Variants in MGAM observed in about 807,000 individuals in gnomAD.
MGAM encodes the protein maltase-glucoamylase, also known as alpha-1,4-glucosidase.
A neutral mutation model predicts 358.8 loss-of-function variants in MGAM; 253 were observed. The ratio of observed to expected loss-of-function variants is 0.71; its 90% CI spans 0.64 to 0.78. The LOEUF is 0.78. Ranked by LOEUF, MGAM falls within the 30% of genes least tolerant of loss-of-function variation. The pLI is 0.00. For missense variants in MGAM, 3,080 were observed against 3,432.6 expected, an observed-to-expected ratio of 0.90 and a Z score of 2.57; for synonymous variants, 1,105 against 1,227.1, an observed-to-expected ratio of 0.90 and a Z score of 2.08.
chr7:141,999,153 G>A (rs1425889275), intron 1 of MGAM, among the ~76,000 whole-genome samples: 1 of 152,118 alleles, frequency 6.6e-6, no homozygotes, highest in African/African-American at 2.4e-5. Flanking sequence ...TTGGCACATT[G>A]TAGGAACTTA....
Position 142,060,059 on chromosome 7 carries a change from T to A in MGAM, c.4059+93T>A, listed in dbSNP as rs4445145. On this transcript the variant is annotated intron_variant, in intron 33 of 70. Coordinates refer to ENST00000475668, the MANE Select transcript of MGAM (RefSeq NM_001365693.1). ...TAGTGGGTCACACGCCTGTGTATGT[T>A]ATTTTTGGCCTTTTCTATTTGGGCT... The A allele has an allele frequency of 0.34, 457,120 of 1,351,060 alleles. 71,398 individuals are homozygous for A. The highest frequency in any genetic ancestry group is 0.37 in the Non-Finnish European group (361,050 of 982,160). The allele number at this position is 1,351,060 out of a possible 1,614,324, so 83.7% of individuals were successfully genotyped here.
intron 3 of MGAM, among the ~76,000 whole-genome samples, chr7:142,013,564 G>C (rs372097132): frequency 2.6e-5 from 4 of 152,112 alleles, no homozygotes; most frequent in African/African-American, 9.7e-5. Context: ...CCATATTGTG[G>C]AAAGACATAG....
At chr7:142,037,659 A>G (rs183461485) in intron 18 of MGAM, among the ~76,000 whole-genome samples, 70 of 152,338 alleles carry the variant, frequency 4.6e-4, no homozygotes, top group African/African-American at 1.7e-3. Context: ...AAGAGAAAAA[A>G]GTAAAATGTT....
rs1312176254 is a variant in MGAM, at chr7:142,044,076, C to CACATACGACGTATAATAT, written c.2498+3231_2498+3232insCATACGACGTATAATATA. Among the ~76,000 whole-genome samples the CACATACGACGTATAATAT allele has an allele frequency of 2.1e-3, 265 of 123,768 alleles. 24 individuals are homozygous for CACATACGACGTATAATAT. The highest frequency in any genetic ancestry group is 5.4e-3 in the South Asian group (21 of 3,882). The allele number at this position is 123,768 out of a possible 152,430, so 81.2% of individuals were successfully genotyped here. A position where few individuals can be genotyped will look rare whatever the true frequency, so the allele number is the denominator to read the frequency against. The stretch of plus-strand genomic sequence containing the variant: ...TTATATACACATACGACGTATAATA[C>CACATACGACGTATAATAT]ATTATATACACATACGACGTATAAT... On this transcript the variant is annotated intron_variant, in intron 21 of 70. Transcript: ENST00000475668.
chr7:142,067,987 T>TATA (rs1491516915), intron 42 of MGAM, among the ~76,000 whole-genome samples: 2 of 6,680 alleles, frequency 3.0e-4, no homozygotes, highest in Non-Finnish European at 4.8e-4. Context: ...TATATATATA[T>TATA]TTTTTTTTTT....
chr7:142,042,799 T>C (rs187031989), intron 21 of MGAM, among the ~76,000 whole-genome samples: 27 of 74,730 alleles, frequency 3.6e-4, no homozygotes, highest in African/African-American at 1.4e-3. Flanking sequence ...TATATACATA[T>C]AATATCTAAA....
intron 66 of MGAM, among the ~76,000 whole-genome samples, chr7:142,098,571 C>G (rs1179859525): frequency 1.3e-5 from 2 of 152,142 alleles, no homozygotes; most frequent in Non-Finnish European, 2.9e-5. Flanking sequence ...TCTTCTCAGT[C>G]CATTGGAGCC....
rs1809809460 is a variant in MGAM at position 142,044,765 on chromosome 7, GT to G, written c.2499-3019del. Among the ~76,000 whole-genome samples the G allele has an allele frequency of 1.0e-4, 9 of 87,442 alleles. 1 individual carries two copies. The highest frequency in any genetic ancestry group is 3.9e-4 in the African/African-American group (8 of 20,642). 57.4% of individuals were successfully genotyped at this position (87,442 alleles called of 152,430 possible). A position where few individuals can be genotyped will look rare whatever the true frequency, so the allele number is the denominator to read the frequency against. On this transcript the variant is annotated intron_variant, in intron 21 of 70. Transcript: ENST00000475668. ...ACACGTGTAATATATGATATATAATGTATATTATATACACGTGTAATATATG... is the reference window on the plus strand; with the variant it reads ...ACACGTGTAATATATGATATATAATGATATTATATACACGTGTAATATATG...
intron 35 of MGAM, 85 bp downstream of exon 35, chr7:142,062,787 G>A: frequency 6.4e-7 from 1 of 1,572,454 alleles, no homozygotes; most frequent in Non-Finnish European, 8.6e-7. Context: ...CTTCAATCAA[G>A]AGGATAGTCA....
rs1419561237 is a variant in MGAM, at chr7:142,043,564, A to G, written c.2498+2718A>G. Among the ~76,000 whole-genome samples the G allele has an allele frequency of 2.2e-3, 208 of 95,258 alleles. 56 individuals carry two copies. Among genetic ancestry groups the G allele is most frequent in the South Asian group, 6.5e-3 (20 of 3,066 alleles). 62.5% of individuals were successfully genotyped at this position (95,258 alleles called of 152,430 possible). A position where few individuals can be genotyped will look rare whatever the true frequency, so the allele number is the denominator to read the frequency against. Reference sequence around the variant, plus strand: ...ATAGATATATCTAAATATATATATTATATATACATATGATATCTAAATATA... The same window carrying G: ...ATAGATATATCTAAATATATATATTGTATATACATATGATATCTAAATATA... On this transcript the variant is annotated intron_variant, in intron 21 of 70. Transcript: ENST00000475668.
At chr7:142,058,995 A>G (rs1270109279) in intron 31 of MGAM, among the ~76,000 whole-genome samples, 1 of 152,238 alleles carries the variant, frequency 6.6e-6, no homozygotes, top group East Asian at 1.9e-4. Flanking sequence ...AGTCTCAGGA[A>G]GAATGTTGTG....
At chr7:142,000,046 A>G (rs1804610269) in intron 1 of MGAM, among the ~76,000 whole-genome samples, 2 of 152,240 alleles carry the variant, frequency 1.3e-5, no homozygotes, top group Non-Finnish European at 2.9e-5. Context: ...AAAATATGCT[A>G]ATGATATTTT....
rs975699989 is a variant in MGAM at position 142,039,392 on chromosome 7, C to T, written c.2317-723C>T. Among the ~76,000 whole-genome samples, 26 of 152,022 alleles carry T rather than the reference C, an allele frequency of 1.7e-4. No homozygotes were observed. The South Asian group carries it at 1.9e-3, about 11-fold the overall frequency. Reference sequence around the variant, plus strand: ...CTGAGATTACAGGTGTGAGTCACCGCGCTTGGCCGCCACACACTTTTAAAC... The same window carrying T: ...CTGAGATTACAGGTGTGAGTCACCGTGCTTGGCCGCCACACACTTTTAAAC... On this transcript the variant is annotated intron_variant, in intron 19 of 70. Transcript: ENST00000475668.
chr7:142,078,458 C>T lies in MGAM; in HGVS notation c.5634C>T (p.Gly1878=), dbSNP rs1355462663. The change falls in exon 48 of 71, where the codon GGC becomes GGT. Residue 1878 remains glycine, a synonymous_variant. Transcript: ENST00000475668. ...CTGCAGAAAACTGCACTGCCCGTGG[C>T]TGTATCTGGGAGGTAACCATGCTGA... ...GDSAENCTAR[G]CIWEASNSSG... is the part of the protein sequence containing the mutation. 1.3e-6 allele frequency: 2 copies of T among 1,544,202 alleles called. No homozygotes were observed. Among genetic ancestry groups the T allele is most frequent in the Non-Finnish European group, 1.8e-6 (2 of 1,126,362 alleles).
chr7:142,021,645 TG>T lies in MGAM; in HGVS notation c.620del (p.Gly207GlufsTer7), dbSNP rs1554458872. ...VPHEHVQSFSGNAAASLTYQV... is the reference protein window; with the variant it reads ...VPHEHVQSFSXNAAASLTYQV... ...CCCACGAACACGTGCAGTCCTTCAG[TG>T]GAAATGCTGCTGCTTCTTTGACCTA... On this transcript the variant is annotated frameshift_variant, in exon 6 of 71. Coordinates refer to ENST00000475668, the MANE Select transcript of MGAM (RefSeq NM_001365693.1). LOFTEE classifies it high-confidence loss of function. The T allele has an allele frequency of 6.2e-7, 1 of 1,613,932 alleles. No homozygotes were observed. Among genetic ancestry groups the T allele is most frequent in the Non-Finnish European group, 8.5e-7 (1 of 1,179,810 alleles).
In MGAM at chr7:142,021,016, T is replaced by C; in HGVS notation, c.491T>C (p.Phe164Ser). 1 of 1,613,798 alleles carries C rather than the reference T, an allele frequency of 6.2e-7. No individual in the cohort carries two copies. Among genetic ancestry groups the C allele is most frequent in the Non-Finnish European group, 8.5e-7 (1 of 1,179,772 alleles). Residue 164 changes from phenylalanine (F) to serine (S), a missense_variant, in exon 5 of 71, where the codon TTT becomes TCT. Around this residue, in one of 5 missense-constraint regions of MGAM, gnomAD observed 1,816 missense variants for 1,840.5 expected, o/e 0.99. Coordinates refer to ENST00000475668, the MANE Select transcript of MGAM (RefSeq NM_001365693.1). ...AAAAATCTGCCTTCTTCACCAGTGTTTGGAAGCAATGTTGACAATGTTCTT... is the reference window on the plus strand; with the variant it reads ...AAAAATCTGCCTTCTTCACCAGTGTCTGGAAGCAATGTTGACAATGTTCTT... ...RLKNLPSSPVFGSNVDNVLLT... is the reference protein window; with the variant it reads ...RLKNLPSSPVSGSNVDNVLLT...
intron 20 of MGAM, 30 bp from the exon 21 acceptor site, chr7:142,040,692 C>T: frequency 6.2e-7 from 1 of 1,609,800 alleles, no homozygotes; most frequent in Non-Finnish European, 8.5e-7. Flanking sequence ...GCTGTCATGC[C>T]AATGTGTTTG....
At chr7:142,060,102 C>G in intron 33 of MGAM, 136 bp downstream of exon 33, 1 of 1,268,608 alleles carries the variant, frequency 7.9e-7, no homozygotes, top group Non-Finnish European at 1.1e-6. Context: ...CAGAAGCTCT[C>G]CTTTTCTCAA....
chr7:142,075,727 C>G (rs1813679021), intron 45 of MGAM, among the ~76,000 whole-genome samples: 1 of 145,986 alleles, frequency 6.8e-6, no homozygotes, highest in African/African-American at 2.4e-5. Flanking sequence ...AGTCAAAAAT[C>G]ACAGCGAGAT....
Sources: gnomAD v4.1 joint callset for allele counts (sites outside exome capture counted in the v4.1 genomes callset) on GRCh38, gnomAD v4.1.1 for gene constraint, gnomAD v4.1.1 regional missense constraint, MANE v1.5 for transcripts, NCBI Gene and HGNC (gene_info 2026-07-23, HGNC 2026-07-21) for gene names.